The following CADM2 variants were observed in gnomAD, a reference collection of about 807,000 sequenced individuals.
CADM2 encodes immunoglobulin superfamily member 4D.
CADM2 carries 12 observed loss-of-function variants against 49.8 expected under a neutral mutation model. That is an observed-to-expected ratio of 0.24 (90% confidence interval 0.15 to 0.39). The LOEUF is 0.39. CADM2 is among the 10% of genes least tolerant of loss of function. The probability of loss-of-function intolerance (pLI) is 1.00; values close to 1 mark genes in which losing one functional copy is unlikely to be tolerated. For synonymous variants in CADM2, 214 were observed against 175.4 expected, an observed-to-expected ratio of 1.22 and a Z score of -1.74; for missense variants, 378 against 492.3, an observed-to-expected ratio of 0.77 and a Z score of 2.20.
chr3:85,090,447 T>G (rs906964079), intron 1 of CADM2, among the ~76,000 whole-genome samples: 15 of 152,194 alleles, frequency 9.9e-5, no homozygotes, highest in Non-Finnish European at 1.8e-4. Context: ...TATTAGTAAT[T>G]TTTAGGGTCA....
At chr3:85,999,875 A>C (rs1729951826) in intron 8 of CADM2, among the ~76,000 whole-genome samples, 2 of 152,166 alleles carry the variant, frequency 1.3e-5, no homozygotes, top group African/African-American at 4.8e-5. Context: ...AAAATGAGAG[A>C]TATAAAACAG....
intron 2 of CADM2, among the ~76,000 whole-genome samples, chr3:85,762,896 A>G (rs1253558917): frequency 6.6e-6 from 1 of 151,796 alleles, no homozygotes; most frequent in Non-Finnish European, 1.5e-5. Context: ...GGACAAATTT[A>G]GTTTATTCAC....
At chr3:85,758,302 A>G (rs1477422944) in intron 2 of CADM2, among the ~76,000 whole-genome samples, 2 of 152,264 alleles carry the variant, frequency 1.3e-5, no homozygotes, top group Non-Finnish European at 1.5e-5. Flanking sequence ...GCACTCAGTG[A>G]TGCTGATCAT....
chr3:85,736,352 T>C (rs1225120990), intron 2 of CADM2, among the ~76,000 whole-genome samples: 1 of 152,082 alleles, frequency 6.6e-6, no homozygotes, highest in Non-Finnish European at 1.5e-5. Flanking sequence ...TGCAAAACAA[T>C]GGTACAATAA....
chr3:86,029,544 T>C (rs1450652085), intron 8 of CADM2, among the ~76,000 whole-genome samples: 1 of 151,996 alleles, frequency 6.6e-6, no homozygotes, highest in African/African-American at 2.4e-5. Flanking sequence ...GATTTGCATT[T>C]TTTTTTCTGA....
At chr3:86,030,493 TC>T (rs1734426331) in intron 8 of CADM2, among the ~76,000 whole-genome samples, 1 of 152,014 alleles carries the variant, frequency 6.6e-6, no homozygotes, top group African/African-American at 2.4e-5. Context: ...CCAAATAATT[TC>T]ATATTTACTC....
chr3:85,299,138 A>T (rs917458680), intron 1 of CADM2, among the ~76,000 whole-genome samples: 1 of 152,120 alleles, frequency 6.6e-6, no homozygotes, highest in Non-Finnish European at 1.5e-5. Flanking sequence ...TAAAGAAACA[A>T]ATAAAAAATC....
chr3:85,426,999 A>G (rs978119819), intron 1 of CADM2, among the ~76,000 whole-genome samples: 1 of 151,606 alleles, frequency 6.6e-6, no homozygotes, highest in Non-Finnish European at 1.5e-5. Context: ...TATCCCACCT[A>G]TTTATCAAAT....
At chr3:85,371,619 CTG>C (rs71108284) in intron 1 of CADM2, among the ~76,000 whole-genome samples, 36 of 124,666 alleles carry the variant, frequency 2.9e-4, no homozygotes, top group African/African-American at 8.5e-4. Flanking sequence ...CCACACATCA[CTG>C]TGTGTGTGTG....
chr3:85,727,948 C>T (rs1024147418), intron 2 of CADM2, among the ~76,000 whole-genome samples: 2 of 152,012 alleles, frequency 1.3e-5, no homozygotes, highest in Non-Finnish European at 2.9e-5. Flanking sequence ...AAACCTGGTA[C>T]TTTTATAAGA....
chr3:85,791,769 G>T (rs1577320962), intron 2 of CADM2, among the ~76,000 whole-genome samples: 1 of 151,996 alleles, frequency 6.6e-6, no homozygotes, highest in African/African-American at 2.4e-5. Flanking sequence ...TGTCACCCAG[G>T]CTGGAGTACA....
At chr3:85,006,445 A>G (rs1443501970) in intron 1 of CADM2, among the ~76,000 whole-genome samples, 4 of 152,180 alleles carry the variant, frequency 2.6e-5, no homozygotes, top group Non-Finnish European at 4.4e-5. Flanking sequence ...ATAAAAGGTT[A>G]GAAATATTTT....
chr3:85,753,381 C>T lies in CADM2; in HGVS notation c.88+26833C>T, dbSNP rs188089404. Among the ~76,000 whole-genome samples the T allele has an allele frequency of 3.9e-4, 59 of 151,810 alleles. 1 individual carries two copies. The highest frequency in any genetic ancestry group is 3.5e-3 in the East Asian group (18 of 5,144). On this transcript the variant is annotated intron_variant, in intron 2 of 9. Transcript: ENST00000383699. ...GAAAATGATGTGGAGAGAGTGTAAA[C>T]GTAGAAACAGGAAAAAAAATGTGAT...
At chr3:85,181,072 C>T (rs1443220591) in intron 1 of CADM2, among the ~76,000 whole-genome samples, 5 of 152,078 alleles carry the variant, frequency 3.3e-5, no homozygotes, top group African/African-American at 1.2e-4. Flanking sequence ...CAGAAATTCA[C>T]TTGAGGAGCT....
chr3:85,774,726 G>A (rs1247464204), intron 2 of CADM2, among the ~76,000 whole-genome samples: 1 of 151,056 alleles, frequency 6.6e-6, no homozygotes, highest in Non-Finnish European at 1.5e-5. Context: ...TCTCATAATA[G>A]GTCACCTAAA....
chr3:85,812,991 A>T (rs1380773311), intron 3 of CADM2, among the ~76,000 whole-genome samples: 1 of 152,140 alleles, frequency 6.6e-6, no homozygotes, highest in Non-Finnish European at 1.5e-5. Context: ...GCTACTGTGA[A>T]TAGTGCTGCA....
chr3:85,908,487 A>G (rs1338768904), intron 5 of CADM2, among the ~76,000 whole-genome samples: 1 of 151,864 alleles, frequency 6.6e-6, no homozygotes, highest in African/African-American at 2.4e-5. Context: ...AGACTTTACC[A>G]AGAAATATTT....
At chr3:85,000,825 A>G (rs1031255903) in intron 1 of CADM2, among the ~76,000 whole-genome samples, 18 of 152,194 alleles carry the variant, frequency 1.2e-4, no homozygotes, top group Admixed American at 6.5e-4. Context: ...GTGCCTATGT[A>G]TGTACATTTG....
chr3:85,839,677 A>G (rs2074556825), intron 3 of CADM2, among the ~76,000 whole-genome samples: 1 of 151,838 alleles, frequency 6.6e-6, no homozygotes, highest in Non-Finnish European at 1.5e-5. Flanking sequence ...ATATCTCATA[A>G]TTGCAAATAT....
Sources: gnomAD v4.1 joint callset for allele counts (sites outside exome capture counted in the v4.1 genomes callset) on GRCh38, gnomAD v4.1.1 for gene constraint, MANE v1.5 for transcripts, NCBI Gene and HGNC (gene_info 2026-07-23, HGNC 2026-07-21) for gene names.